The following CTDSPL variants were observed in gnomAD, a reference collection of about 807,000 sequenced individuals.
CTDSPL encodes the protein CTD small phosphatase-like protein.
Under a neutral mutation model 30.5 loss-of-function variants are expected in CTDSPL, and 8 were observed. The ratio of observed to expected loss-of-function variants is 0.26; its 90% CI spans 0.15 to 0.47. The LOEUF (loss-of-function observed/expected upper bound fraction) is 0.47. Among genes scored for constraint, CTDSPL ranks in the 20% least tolerant of loss-of-function variants. The probability of loss-of-function intolerance (pLI) is 0.99; values close to 1 mark genes in which losing one functional copy is unlikely to be tolerated. For synonymous variants in CTDSPL, 110 were observed against 137.9 expected (o/e 0.80, Z 1.42); for missense variants, 248 against 366.1 (o/e 0.68, Z 2.63).
chr3:37,954,948 C>T (rs1699154011), intron 2 of CTDSPL: 1 of 152,266 alleles, frequency 6.6e-6, no homozygotes, highest in Non-Finnish European at 1.5e-5. Context: ...AAATATCCTT[C>T]TAGATCAGCA....
Position 37,948,808 on chromosome 3 carries a change from C to CTTTTTTTTTTT in CTDSPL, c.234+1610_234+1620dup, listed in dbSNP as rs71635858. Among the ~76,000 whole-genome samples the CTTTTTTTTTTT allele has an allele frequency of 1.1e-3, 124 of 108,114 alleles. 9 individuals are homozygous for CTTTTTTTTTTT. The highest frequency in any genetic ancestry group is 4.6e-3 in the African/African-American group (112 of 24,420). 70.9% of individuals were successfully genotyped at this position (108,114 alleles called of 152,430 possible). A position where few individuals can be genotyped will look rare whatever the true frequency, so the allele number is the denominator to read the frequency against. On this transcript the variant is annotated intron_variant, in intron 2 of 7. Transcript: ENST00000273179. ...TAATGAGAGACCATTTTCCAGCTTT[C>CTTTTTTTTTTT]TTTTTTTTTTTTTTTTTTTTTTTGA...
chr3:37,916,309 T>G (rs1360522478), intron 1 of CTDSPL, among the ~76,000 whole-genome samples: 1 of 152,220 alleles, frequency 6.6e-6, no homozygotes, highest in East Asian at 1.9e-4. Context: ...TAACATTATT[T>G]CAGGTGTTTT....
At position 37,983,316 on chromosome 3, in the gene CTDSPL, T is replaced by C. The variant is rs1699514569; in HGVS notation, c.*2449T>C. The C allele has an allele frequency of 6.6e-6, 1 of 152,634 alleles. No homozygotes were observed. Among genetic ancestry groups the C allele is most frequent in the Non-Finnish European group, 1.5e-5 (1 of 68,036 alleles). The allele number at this position is 152,634 out of a possible 1,614,324, so 9.5% of individuals were successfully genotyped here. A position where few individuals can be genotyped will look rare whatever the true frequency, so the allele number is the denominator to read the frequency against. ...ATCTATATCTATATCTATATCTATA[T>C]ATTTTTAATCATCTACATGTAAATG... On this transcript the variant is annotated 3_prime_UTR_variant, in exon 8 of 8. Coordinates refer to ENST00000273179, the MANE Select transcript of CTDSPL (RefSeq NM_001008392.2).
chr3:37,877,920 T>C (rs779177326), intron 1 of CTDSPL, among the ~76,000 whole-genome samples: 1 of 152,150 alleles, frequency 6.6e-6, no homozygotes, highest in Non-Finnish European at 1.5e-5. Flanking sequence ...TCCGCTCCCA[T>C]GACCCAAACA....
chr3:37,900,573 A>G (rs1301866110), intron 1 of CTDSPL, among the ~76,000 whole-genome samples: 1 of 152,210 alleles, frequency 6.6e-6, no homozygotes, highest in African/African-American at 2.4e-5. Flanking sequence ...CTTATGAAAT[A>G]TAGAAAACGA....
At chr3:37,912,885 A>G (rs62239980) in intron 1 of CTDSPL, among the ~76,000 whole-genome samples, 523 of 152,364 alleles carry the variant, frequency 3.4e-3, no homozygotes, top group Non-Finnish European at 6.2e-3. Context: ...AATAATTGCT[A>G]TGTGCTAGAT....
Position 37,984,194 on chromosome 3 carries a change from T to C in CTDSPL, c.*3327T>C, listed in dbSNP as rs1294760374. The C allele has an allele frequency of 2.2e-6, 1 of 456,596 alleles. No individual in the cohort carries two copies. Among genetic ancestry groups the C allele is most frequent in the Non-Finnish European group, 4.4e-6 (1 of 226,932 alleles). The allele number at this position is 456,596 out of a possible 1,614,324, so 28.3% of individuals were successfully genotyped here. ...CTGTGCAAAATTGGCTGGCTGCCTC[T>C]GTTCCTACTGTACTGTAACTTTGAT... On this transcript the variant is annotated 3_prime_UTR_variant, in exon 8 of 8. Coordinates refer to ENST00000273179, the MANE Select transcript of CTDSPL (RefSeq NM_001008392.2).
At chr3:37,872,458 C>T (rs565148913) in intron 1 of CTDSPL, among the ~76,000 whole-genome samples, 212 of 144,404 alleles carry the variant, frequency 1.5e-3, no homozygotes, top group Non-Finnish European at 2.6e-3. Context: ...GGTTGGTTTT[C>T]TCTGACATGC....
intron 1 of CTDSPL, among the ~76,000 whole-genome samples, chr3:37,888,282 A>G (rs1698285260): frequency 6.6e-6 from 1 of 152,236 alleles, no homozygotes; most frequent in South Asian, 2.1e-4. Flanking sequence ...TTTTTAAGCT[A>G]AAAGTAAGAT....
In CTDSPL at chr3:37,975,986, G is replaced by T. The variant is rs1162207944; in HGVS notation, c.705+92G>T. 6 of 1,332,778 alleles carry T rather than the reference G, an allele frequency of 4.5e-6. No homozygotes were observed. The East Asian group carries it at 1.4e-4, about 31-fold the overall frequency. 82.6% of individuals were successfully genotyped at this position (1,332,778 alleles called of 1,614,324 possible). ...CACTTTTGAGCACCTACACAAGAAGGTCTCTGGGCCTTTTCCTAATGAAAT... is the reference window on the plus strand; with the variant it reads ...CACTTTTGAGCACCTACACAAGAAGTTCTCTGGGCCTTTTCCTAATGAAAT... On this transcript the variant is annotated intron_variant, in intron 7 of 7. Transcript: ENST00000273179. This position sits in a 1 kb window ranked among gnomAD's most constrained non-coding sequence, Gnocchi z 4.9.
At chr3:37,931,796 C>T (rs566564458) in intron 1 of CTDSPL, among the ~76,000 whole-genome samples, 3 of 144,208 alleles carry the variant, frequency 2.1e-5, no homozygotes, top group African/African-American at 2.7e-5. Context: ...TAAGCTATAA[C>T]AATTTTTTTT....
At position 37,975,865 on chromosome 3, in the gene CTDSPL, G is replaced by A; in HGVS notation, c.676G>A (p.Ala226Thr). Residue 226 changes from alanine (A) to threonine (T), a missense_variant, in exon 7 of 8, where the codon GCC becomes ACC. By Grantham distance (58) the Ala-to-Thr change is moderately conservative. Around this residue, in one of 4 missense-constraint regions of CTDSPL, gnomAD observed 84 missense variants for 139.4 expected, o/e 0.60. Transcript: ENST00000273179. The surrounding 1 kb of genome is among the most constrained non-coding windows in gnomAD (Gnocchi z 4.9). ...AGTGATCATTGTTGACAATTCCCCT[G>A]CCTCATACATCTTCCATCCTGAGAA... ...SKVIIVDNSP[A>T]SYIFHPENAV... The A allele has an allele frequency of 6.2e-7, 1 of 1,614,068 alleles. No individual in the cohort carries two copies. The highest frequency in any genetic ancestry group is 8.5e-7 in the Non-Finnish European group (1 of 1,179,936).
chr3:37,903,692 C>G (rs1698478981), intron 1 of CTDSPL, among the ~76,000 whole-genome samples: 1 of 152,234 alleles, frequency 6.6e-6, no homozygotes. Flanking sequence ...CCAGACTCCT[C>G]TCAATTTGAG....
intron 5 of CTDSPL, among the ~76,000 whole-genome samples, chr3:37,970,755 C>A (rs1294216550): frequency 6.6e-6 from 1 of 152,216 alleles, no homozygotes; most frequent in Non-Finnish European, 1.5e-5. Flanking sequence ...TGCTCAGAGA[C>A]CCCTCCTGAT....
At chr3:37,926,266 C>CA (rs1698780543) in intron 1 of CTDSPL, among the ~76,000 whole-genome samples, 2 of 152,142 alleles carry the variant, frequency 1.3e-5, no homozygotes, top group Non-Finnish European at 2.9e-5. Flanking sequence ...AGGAGCTAGT[C>CA]AGAGATCTTC....
chr3:37,923,033 T>C (rs777501983), intron 1 of CTDSPL, among the ~76,000 whole-genome samples: 3 of 152,196 alleles, frequency 2.0e-5, no homozygotes, highest in Non-Finnish European at 2.9e-5. Context: ...GTCTGAGCCA[T>C]GTAGAGCTAC....
chr3:37,876,364 T>C (rs1698134304), intron 1 of CTDSPL, among the ~76,000 whole-genome samples: 1 of 152,146 alleles, frequency 6.6e-6, no homozygotes, highest in Non-Finnish European at 1.5e-5. Context: ...ACTACCACAA[T>C]CAAGATAGAG....
intron 2 of CTDSPL, among the ~76,000 whole-genome samples, chr3:37,948,048 C>T (rs1699059603): frequency 6.6e-6 from 1 of 152,178 alleles, no homozygotes. Context: ...CTTTGGGAGG[C>T]CAAGGCGGGC....
At chr3:37,966,976 T>C (rs763844765) in intron 4 of CTDSPL, among the ~76,000 whole-genome samples, 1 of 152,250 alleles carries the variant, frequency 6.6e-6, no homozygotes, top group Non-Finnish European at 1.5e-5. Flanking sequence ...GAACTGTGTG[T>C]AAGTTCATCA....
Sources: allele counts gnomAD v4.1 joint callset (sites outside exome capture counted in the v4.1 genomes callset), GRCh38; gene constraint gnomAD v4.1.1; regional missense constraint gnomAD v4.1.1; non-coding constraint Gnocchi (gnomAD v3.1); transcripts MANE v1.5; gene names NCBI Gene and HGNC (gene_info 2026-07-23, HGNC 2026-07-21).